SLC10A7: variants seen among roughly 807,000 people sequenced by gnomAD.
SLC10A7 encodes sodium/bile acid cotransporter 7.
In SLC10A7, 29 loss-of-function variants were observed where a neutral mutation model predicts 43.2. That is an observed-to-expected ratio of 0.67 (90% CI 0.50 to 0.92). SLC10A7 has a LOEUF of 0.92. SLC10A7 is among the 40% of genes least tolerant of loss of function. The pLI is 0.00. For synonymous variants in SLC10A7, 152 were observed against 144.8 expected, an observed-to-expected ratio of 1.05 and a Z score of -0.35; for missense variants, 295 against 403.2, an observed-to-expected ratio of 0.73 and a Z score of 2.30.
intron 5 of SLC10A7, among the ~76,000 whole-genome samples, chr4:146,419,559 G>A (rs551208431): frequency 1.7e-4 from 26 of 152,226 alleles, no homozygotes; most frequent in African/African-American, 5.8e-4. Context: ...TTAAAGGCCA[G>A]GCACAGTGGC....
chr4:146,322,947 T>C (rs1732834653), intron 6 of SLC10A7, among the ~76,000 whole-genome samples: 2 of 152,216 alleles, frequency 1.3e-5, no homozygotes, highest in Admixed American at 6.5e-5. Flanking sequence ...CATTGTGGTT[T>C]TGATTTGCAT....
chr4:146,327,842 T>C (rs1035305234), intron 5 of SLC10A7, among the ~76,000 whole-genome samples: 16 of 152,132 alleles, frequency 1.1e-4, no homozygotes, highest in Admixed American at 3.9e-4. Context: ...ATGTGCACCA[T>C]TGGGGGGCCT....
chr4:146,473,835 G>A (rs546596330), intron 4 of SLC10A7, among the ~76,000 whole-genome samples: 1 of 152,050 alleles, frequency 6.6e-6, no homozygotes, highest in South Asian at 2.1e-4. Flanking sequence ...TTAAATGTTA[G>A]GGAATCAACA....
intron 4 of SLC10A7, among the ~76,000 whole-genome samples, chr4:146,468,159 G>C (rs1353848144): frequency 6.6e-6 from 1 of 152,092 alleles, no homozygotes; most frequent in African/African-American, 2.4e-5. Flanking sequence ...TCAATAATGG[G>C]CATAATATCT....
chr4:146,301,242 C>A (rs1264090399), intron 7 of SLC10A7, among the ~76,000 whole-genome samples: 1 of 152,174 alleles, frequency 6.6e-6, no homozygotes, highest in African/African-American at 2.4e-5. Context: ...CATTAGAGGG[C>A]ACCTCTGTAA....
chr4:146,471,862 T>A (rs938924876), intron 4 of SLC10A7, among the ~76,000 whole-genome samples: 9 of 152,176 alleles, frequency 5.9e-5, no homozygotes, highest in Non-Finnish European at 8.8e-5. Context: ...TTTCACTATG[T>A]TAAGGTGTCA....
At chr4:146,324,632 C>T (rs1340801049) in intron 6 of SLC10A7, among the ~76,000 whole-genome samples, 3 of 152,132 alleles carry the variant, frequency 2.0e-5, no homozygotes, top group Non-Finnish European at 4.4e-5. Flanking sequence ...CTCAGACAGG[C>T]CTGCATCCTG....
rs765135958 is a variant in SLC10A7, at chr4:146,393,191, CAAAAAAAAAA to C, written c.435+49582_435+49591del. On this transcript the variant is annotated intron_variant, in intron 5 of 11. Transcript: ENST00000335472. Reference sequence around the variant, plus strand: ...TGGATGACAGAGCAAGGCCCTGTCTCAAAAAAAAAAAAAAAAAAAAAAAAAAAAAGTCAAT... The same window carrying C: ...TGGATGACAGAGCAAGGCCCTGTCTCAAAAAAAAAAAAAAAAAAAGTCAAT... Among the ~76,000 whole-genome samples, 8 of 42,084 alleles carry C rather than the reference CAAAAAAAAAA, an allele frequency of 1.9e-4. No individual in the cohort carries two copies. In the East Asian group the frequency reaches 4.0e-3, roughly 21 times the overall value. 27.6% of individuals were successfully genotyped at this position (42,084 alleles called of 152,430 possible). A position where few individuals can be genotyped will look rare whatever the true frequency, so the allele number is the denominator to read the frequency against.
intron 9 of SLC10A7, among the ~76,000 whole-genome samples, chr4:146,285,281 G>A (rs1729819564): frequency 6.6e-6 from 1 of 152,176 alleles, no homozygotes; most frequent in Non-Finnish European, 1.5e-5. Context: ...TAAAGATGGT[G>A]AGGCTGGGCA....
At chr4:146,437,079 C>T (rs1358420894) in intron 5 of SLC10A7, among the ~76,000 whole-genome samples, 1 of 152,056 alleles carries the variant, frequency 6.6e-6, no homozygotes, top group East Asian at 1.9e-4. Flanking sequence ...CACATTTATG[C>T]TTTGTGTATT....
At chr4:146,267,933 C>T (rs1728663771) in intron 10 of SLC10A7, among the ~76,000 whole-genome samples, 1 of 152,118 alleles carries the variant, frequency 6.6e-6, no homozygotes, top group Non-Finnish European at 1.5e-5. Context: ...GACAATCTTG[C>T]ACCAGTTTAT....
chr4:146,456,912 C>T (rs1416526570), intron 4 of SLC10A7, among the ~76,000 whole-genome samples: 2 of 151,838 alleles, frequency 1.3e-5, no homozygotes, highest in Admixed American at 1.3e-4. Flanking sequence ...AAAGATACTC[C>T]CATCACTCAG....
intron 6 of SLC10A7, among the ~76,000 whole-genome samples, chr4:146,321,369 T>A (rs1002315035): frequency 2.0e-5 from 3 of 152,106 alleles, no homozygotes; most frequent in African/African-American, 7.2e-5. Context: ...CACCTGTGTG[T>A]CTCTACCTTC....
At chr4:146,517,154 G>C in intron 1 of SLC10A7, 34 bp from the exon 2 acceptor site, 1 of 1,516,644 alleles carries the variant, frequency 6.6e-7, no homozygotes. Context: ...TGCTAGAAAA[G>C]AATTTCAGTA....
intron 5 of SLC10A7, among the ~76,000 whole-genome samples, chr4:146,356,596 C>T (rs1013212408): frequency 6.6e-6 from 1 of 151,934 alleles, no homozygotes; most frequent in Non-Finnish European, 1.5e-5. Flanking sequence ...CACACACTCC[C>T]CATCTTCTCT....
At chr4:146,322,454 G>C (rs907034547) in intron 6 of SLC10A7, among the ~76,000 whole-genome samples, 8 of 143,150 alleles carry the variant, frequency 5.6e-5, no homozygotes, top group Non-Finnish European at 1.2e-4. Flanking sequence ...CCACCTATGA[G>C]TCAGAACATG....
intron 9 of SLC10A7, 118 bp from the exon 10 acceptor site, chr4:146,283,383 T>C (rs13435691): frequency 0.12 from 85,177 of 740,352 alleles, 5,216 homozygotes; most frequent in South Asian, 0.12. Flanking sequence ...CTGGTGACAG[T>C]AGTAATTCTA....
At chr4:146,402,263 C>T (rs77254741) in intron 5 of SLC10A7, among the ~76,000 whole-genome samples, 1,862 of 152,288 alleles carry the variant, frequency 0.012, 18 homozygotes, top group African/African-American at 0.025. Context: ...TCAGGCAATA[C>T]TGATACCTCT....
chr4:146,400,301 C>T (rs1260761227), intron 5 of SLC10A7, among the ~76,000 whole-genome samples: 1 of 151,960 alleles, frequency 6.6e-6, no homozygotes, highest in Non-Finnish European at 1.5e-5. Flanking sequence ...GCTAGGGAGG[C>T]TTAATTAAAT....
Sources: allele counts gnomAD v4.1 joint callset (sites outside exome capture counted in the v4.1 genomes callset), GRCh38; gene constraint gnomAD v4.1.1; transcripts MANE v1.5; gene names NCBI Gene and HGNC (gene_info 2026-07-23, HGNC 2026-07-21).